Variants in JMY observed in about 807,000 individuals in gnomAD.
The protein encoded by JMY is junction-mediating and -regulatory protein.
JMY carries 46 observed loss-of-function variants against 103.3 expected under a neutral mutation model. That is an observed-to-expected ratio of 0.45 (90% CI 0.35 to 0.57). JMY has a LOEUF of 0.57. Among genes scored for constraint, JMY ranks in the 20% least tolerant of loss-of-function variants. JMY has a pLI of 0.00. For synonymous variants in JMY, 526 were observed against 489.3 expected, an observed-to-expected ratio of 1.07 and a Z score of -0.99; for missense variants, 1,238 against 1,255.2, an observed-to-expected ratio of 0.99 and a Z score of 0.21.
At chr5:79,263,464 A>G (rs979755362) in intron 1 of JMY, among the ~76,000 whole-genome samples, 6 of 151,838 alleles carry the variant, frequency 4.0e-5, no homozygotes, top group African/African-American at 7.3e-5. Flanking sequence ...CGTGATCTCA[A>G]CTCACTGCAA....
intron 6 of JMY, among the ~76,000 whole-genome samples, chr5:79,301,813 G>A (rs1013169420): frequency 2.6e-5 from 4 of 152,112 alleles, no homozygotes; most frequent in Admixed American, 6.5e-5. Flanking sequence ...CAGGCTGGGC[G>A]CGGTGGCTCA....
intron 1 of JMY, among the ~76,000 whole-genome samples, chr5:79,267,340 GAA>G (rs1396155303): frequency 6.6e-6 from 1 of 152,128 alleles, no homozygotes; most frequent in African/African-American, 2.4e-5. Flanking sequence ...TAACTGCTCT[GAA>G]AATCCCCTGG....
Position 79,314,798 on chromosome 5 carries a change from T to C in JMY, c.2606T>C (p.Val869Ala). The C allele has an allele frequency of 1.2e-6, 2 of 1,610,620 alleles. No individual in the cohort carries two copies. The highest frequency in any genetic ancestry group is 1.7e-6 in the Non-Finnish European group (2 of 1,178,374). The change falls in exon 9 of 11, where the codon GTC (valine) becomes GCC (alanine). Residue 869 changes from valine (V) to alanine (A), a missense_variant. Val to Ala is a moderately conservative substitution (Grantham distance 64). Transcript: ENST00000396137. ...SAHLFDSSQL[V>A]SARKKLRKTA... ...CACCTCTTTGACAGCAGCCAGCTGG[T>C]CAGTGCACGGAAGAAGCTCAGAAAG...
intron 1 of JMY, among the ~76,000 whole-genome samples, chr5:79,251,109 G>C (rs749148909): frequency 2.6e-5 from 4 of 152,104 alleles, no homozygotes; most frequent in Non-Finnish European, 4.4e-5. Flanking sequence ...GGAGGGTGGG[G>C]AGAAAGATTG....
chr5:79,247,071 C>T (rs1744927648), intron 1 of JMY, among the ~76,000 whole-genome samples: 2 of 152,086 alleles, frequency 1.3e-5, no homozygotes, highest in Non-Finnish European at 2.9e-5. Context: ...CAAATCCAAG[C>T]CTGCCTTGTT....
At position 79,314,245 on chromosome 5, in the gene JMY, C is replaced by T. The variant is rs1406294277; in HGVS notation, c.2065-12C>T. ...AACATTTAACCAGTTCCAATAACTT[C>T]TGGTATTTTAGAGGTATCCTGGGCA... On this transcript the variant is annotated splice_polypyrimidine_tract_variant and intron_variant, in intron 8 of 10. Coordinates refer to ENST00000396137, the MANE Select transcript of JMY (RefSeq NM_152405.5). 1.3e-6 allele frequency: 2 copies of T among 1,588,426 alleles called. No homozygotes were observed. Among genetic ancestry groups the T allele is most frequent in the Non-Finnish European group, 1.7e-6 (2 of 1,170,140 alleles).
At chr5:79,273,862 G>A (rs1044849394) in intron 1 of JMY, among the ~76,000 whole-genome samples, 1 of 151,592 alleles carries the variant, frequency 6.6e-6, no homozygotes, top group African/African-American at 2.4e-5. Flanking sequence ...ATGGAGTCTC[G>A]CTCTGTTGCC....
At chr5:79,278,793 CTTT>C (rs533961398) in intron 2 of JMY, among the ~76,000 whole-genome samples, 1 of 114,174 alleles carries the variant, frequency 8.8e-6, no homozygotes, top group Non-Finnish European at 1.8e-5. Flanking sequence ...GGGAACATTT[CTTT>C]TTTTTTTTTT....
At chr5:79,255,128 C>CTTTTTT (rs71615518) in intron 1 of JMY, among the ~76,000 whole-genome samples, 6 of 139,820 alleles carry the variant, frequency 4.3e-5, no homozygotes, top group Non-Finnish European at 6.0e-5. Context: ...TCTCTCTCTC[C>CTTTTTT]TTTTTTTTGA....
rs145497944 is a variant in JMY at position 79,282,946 on chromosome 5, C to A, written c.1206+4863C>A. On this transcript the variant is annotated intron_variant, in intron 2 of 10. Coordinates refer to ENST00000396137, the MANE Select transcript of JMY (RefSeq NM_152405.5). ...TATGGACAGTTGTGTCTGTTGGGTT[C>A]TAATCAAAATATCAAACCGGTTATT... 4.1e-4 allele frequency among the ~76,000 whole-genome samples: 61 copies of A among 150,614 alleles called. 1 individual carries two copies. In the East Asian group the frequency reaches 0.011, roughly 28 times the overall value.
intron 1 of JMY, among the ~76,000 whole-genome samples, chr5:79,251,599 A>G (rs1745084901): frequency 6.6e-6 from 1 of 151,498 alleles, no homozygotes; most frequent in Non-Finnish European, 1.5e-5. Context: ...CAGTTATGCT[A>G]TCAAATACCG....
At chr5:79,320,591 G>A (rs761493162) in intron 10 of JMY, among the ~76,000 whole-genome samples, 25 of 152,102 alleles carry the variant, frequency 1.6e-4, no homozygotes, top group Non-Finnish European at 3.2e-4. Flanking sequence ...GATTACAGGC[G>A]TGAGCCACTG....
intron 10 of JMY, among the ~76,000 whole-genome samples, chr5:79,316,698 G>A (rs1477698788): frequency 2.6e-5 from 4 of 151,874 alleles, no homozygotes; most frequent in African/African-American, 7.3e-5. Flanking sequence ...TTGAGGTCAG[G>A]AGTTCAAGAC....
chr5:79,265,018 T>C (rs1282121509), intron 1 of JMY, among the ~76,000 whole-genome samples: 3 of 152,112 alleles, frequency 2.0e-5, no homozygotes, highest in Non-Finnish European at 4.4e-5. Context: ...GCCTCCCAGG[T>C]TCATGCCATT....
At chr5:79,251,866 C>G (rs1409484725) in intron 1 of JMY, among the ~76,000 whole-genome samples, 1 of 152,142 alleles carries the variant, frequency 6.6e-6, no homozygotes, top group African/African-American at 2.4e-5. Flanking sequence ...CCTCTGCCTC[C>G]TGGATTCAAG....
At chr5:79,258,452 G>A (rs1049839880) in intron 1 of JMY, among the ~76,000 whole-genome samples, 6 of 151,824 alleles carry the variant, frequency 4.0e-5, no homozygotes, top group Non-Finnish European at 8.8e-5. Flanking sequence ...GGCCTGCTGG[G>A]CTCATTCTAC....
intron 1 of JMY, among the ~76,000 whole-genome samples, chr5:79,253,274 A>G (rs1239924761): frequency 6.6e-6 from 1 of 150,996 alleles, no homozygotes; most frequent in Non-Finnish European, 1.5e-5. Context: ...TCTAACCGTT[A>G]TTTTTGATTG....
At chr5:79,306,884 T>C (rs1746900200) in intron 7 of JMY, among the ~76,000 whole-genome samples, 1 of 152,216 alleles carries the variant, frequency 6.6e-6, no homozygotes, top group East Asian at 1.9e-4. Context: ...TGGAATAATT[T>C]CACTGCTCCA....
chr5:79,278,793 C>CTTT (rs533961398), intron 2 of JMY, among the ~76,000 whole-genome samples: 10 of 114,166 alleles, frequency 8.8e-5, no homozygotes, highest in African/African-American at 2.3e-4. Context: ...GGGAACATTT[C>CTTT]TTTTTTTTTT....
Sources: gnomAD v4.1 joint callset for allele counts (sites outside exome capture counted in the v4.1 genomes callset) on GRCh38, gnomAD v4.1.1 for gene constraint, MANE v1.5 for transcripts, NCBI Gene and HGNC (gene_info 2026-07-23, HGNC 2026-07-21) for gene names.